Variants in DDX56 observed in about 807,000 individuals in gnomAD.
DDX56 encodes probable ATP-dependent RNA helicase DDX56.
Under a neutral mutation model 61.5 loss-of-function variants are expected in DDX56, and 45 were observed. The observed-to-expected ratio is 0.73, with a 90% CI of 0.58 to 0.94. The LOEUF is 0.94. Among genes scored for constraint, DDX56 ranks in the 40% least tolerant of loss-of-function variants. The pLI, the probability that DDX56 is intolerant of heterozygous loss-of-function variation, is 0.00. For synonymous variants in DDX56, 273 were observed against 268.3 expected (o/e 1.02, Z -0.17); for missense variants, 708 against 690.7 (o/e 1.02, Z -0.28).
At chr7:44,568,832 C>T (rs1003300421) in intron 11 of DDX56, 71 bp downstream of exon 11, 51 of 1,308,990 alleles carry the variant, frequency 3.9e-5, no homozygotes, top group South Asian at 2.5e-4. Context: ...TCTCACCACT[C>T]GGAGCTCAGC....
chr7:44,569,526 C>T (rs1281652662), intron 9 of DDX56, among the ~76,000 whole-genome samples: 2 of 152,164 alleles, frequency 1.3e-5, no homozygotes, highest in African/African-American at 4.8e-5. Context: ...CAGTCCAGGA[C>T]CACCCAGCAC....
At chr7:44,567,755 GCTCT>G (rs966546665) in intron 12 of DDX56, 2 of 334,576 alleles carry the variant, frequency 6.0e-6, no homozygotes, top group Admixed American at 9.0e-5. Context: ...AGCACAGGTG[GCTCT>G]CTCTGCCTCC....
At chr7:44,568,733 A>C (rs761908548) in intron 11 of DDX56, among the ~76,000 whole-genome samples, 170 bp downstream of exon 11, 3 of 151,788 alleles carry the variant, frequency 2.0e-5, no homozygotes, top group Non-Finnish European at 2.9e-5. Context: ...ATTTACCACC[A>C]AGCAGAACAG....
In DDX56 at chr7:44,572,754, G is replaced by C. The variant is rs774548468; in HGVS notation, c.384-10C>G. The C allele has an allele frequency of 6.2e-7, 1 of 1,613,902 alleles. No individual in the cohort carries two copies. Among genetic ancestry groups the C allele is most frequent in the Non-Finnish European group, 8.5e-7 (1 of 1,179,926 alleles). On this transcript the variant is annotated splice_polypyrimidine_tract_variant and intron_variant, in intron 3 of 13. Coordinates refer to ENST00000258772, the MANE Select transcript of DDX56 (RefSeq NM_019082.4). ...CTCCATCAGCACAGCTCTGGAGGTGGACAAGACATCAGTATCAGGCAGAAT... is the reference window on the plus strand; with the variant it reads ...CTCCATCAGCACAGCTCTGGAGGTGCACAAGACATCAGTATCAGGCAGAAT...
intron 6 of DDX56, among the ~76,000 whole-genome samples, 154 bp downstream of exon 6, chr7:44,571,338 G>A (rs771047244): frequency 5.9e-5 from 9 of 152,194 alleles, no homozygotes; most frequent in East Asian, 3.8e-4. Context: ...CATGGTGCCC[G>A]GCCATGATAG....
At chr7:44,566,858 C>T (rs548502772) in intron 12 of DDX56, among the ~76,000 whole-genome samples, 2 of 152,088 alleles carry the variant, frequency 1.3e-5, no homozygotes, top group African/African-American at 4.8e-5. Context: ...CAGGGGGCCC[C>T]GCATCCCAGC....
At chr7:44,568,309 A>C in intron 11 of DDX56, 86 bp from the exon 12 acceptor site, 3 of 963,838 alleles carry the variant, frequency 3.1e-6, no homozygotes, top group South Asian at 1.7e-5. Context: ...TAACACACTC[A>C]TGTGTTTCAA....
rs1035047608 is a variant in DDX56, at chr7:44,566,536, G to A, written c.1490-12C>T. ...GAGAGCAGGAGGAACTGGAAGAGAT[G>A]CTTGCCTGAGCAGTGGGCTCACCGC... On this transcript the variant is annotated splice_polypyrimidine_tract_variant and intron_variant, in intron 12 of 13. Coordinates refer to ENST00000258772, the MANE Select transcript of DDX56 (RefSeq NM_019082.4). 3.9e-6 allele frequency: 6 copies of A among 1,542,510 alleles called. No homozygotes were observed. In the African/African-American group the frequency reaches 6.9e-5, roughly 18 times the overall value.
At position 44,573,667 on chromosome 7, in the gene DDX56, G is replaced by A. The variant is rs561499363; in HGVS notation, c.138C>T (p.Asp46=). The A allele has an allele frequency of 5.0e-6, 8 of 1,613,686 alleles. No individual in the cohort carries two copies. Among genetic ancestry groups the A allele is most frequent in the Non-Finnish European group, 6.8e-6 (8 of 1,180,050 alleles). The change falls in exon 2 of 14, where the codon GAC becomes GAT. Residue 46 remains aspartate (D), a synonymous_variant. Coordinates refer to ENST00000258772, the MANE Select transcript of DDX56 (RefSeq NM_019082.4). ...KAIPLALEGK[D]LLARARTGSG... ...AGCCCGTGCGGGCCCGAGCCAGGAG[G>A]TCCTTCCCTTCTAGGGCCAGTGGGA... is the stretch of plus-strand genomic sequence containing the variant.
At chr7:44,569,079 C>T in intron 10 of DDX56, 51 bp downstream of exon 10, 1 of 1,612,492 alleles carries the variant, frequency 6.2e-7, no homozygotes, top group Non-Finnish European at 8.5e-7. Context: ...GGTGCAATCC[C>T]TGGGCCACAG....
At chr7:44,567,478 G>A (rs936703484) in intron 12 of DDX56, among the ~76,000 whole-genome samples, 3 of 152,198 alleles carry the variant, frequency 2.0e-5, no homozygotes, top group Non-Finnish European at 4.4e-5. Context: ...GACACTGAAA[G>A]AAGTCATTAC....
At chr7:44,572,494 T>C (rs1356457315) in intron 4 of DDX56, 57 bp from the exon 5 acceptor site, 58 of 1,613,106 alleles carry the variant, frequency 3.6e-5, no homozygotes, top group Middle Eastern at 3.3e-4. Context: ...TTGTAGTAAC[T>C]GGCTTCCAGC....
At position 44,573,628 on chromosome 7, in the gene DDX56, G is replaced by A. The variant is rs1407847714; in HGVS notation, c.177C>T (p.Ala59=). 2.5e-6 allele frequency: 4 copies of A among 1,613,876 alleles called. No homozygotes were observed. Among genetic ancestry groups the A allele is most frequent in the Non-Finnish European group, 8.5e-7 (1 of 1,180,032 alleles). The change falls in exon 2 of 14, where the codon GCC becomes GCT. Residue 59 remains alanine (A), a synonymous_variant. Coordinates refer to ENST00000258772, the MANE Select transcript of DDX56 (RefSeq NM_019082.4). The part of the protein sequence containing the change: ...ARARTGSGKT[A]AYAIPMLQLL... ...GCTGCAGCATCGGAATAGCATAAGC[G>A]GCCGTCTTCCCGGAGCCCGTGCGGG...
intron 13 of DDX56, 98 bp from the exon 14 acceptor site, chr7:44,566,177 C>A: frequency 1.3e-6 from 1 of 748,998 alleles, no homozygotes. Flanking sequence ...GGGAGCCGTG[C>A]CGGCAACTGG....
chr7:44,572,139 A>G (rs1032639904), intron 5 of DDX56, among the ~76,000 whole-genome samples: 3 of 152,222 alleles, frequency 2.0e-5, no homozygotes, highest in Non-Finnish European at 4.4e-5. Context: ...TAGGCAAAGC[A>G]TGGCCTGAAA....
chr7:44,571,609 C>A lies in DDX56; in HGVS notation c.773G>T (p.Arg258Leu), dbSNP rs145895899. 1.2e-5 allele frequency: 20 copies of A among 1,614,004 alleles called. No homozygotes were observed. The African/African-American group carries it at 2.0e-4, about 16-fold the overall frequency. The change falls in exon 6 of 14, where the codon CGG becomes CTG. Residue 258 changes from arginine (R) to leucine (L), a missense_variant. By Grantham distance (102) the Arg-to-Leu change is moderately radical (BLOSUM62 -2). Coordinates refer to ENST00000258772, the MANE Select transcript of DDX56 (RefSeq NM_019082.4). The part of the protein sequence containing the change: ...LYALLKLSLI[R>L]GKSLLFVNTL... ...GTTGACAAAGAGCAGAGACTTGCCC[C>A]GAATCAATGACAGCTTGAGCAGGGC...
intron 5 of DDX56, 101 bp downstream of exon 5, chr7:44,572,246 C>A (rs1802694190): frequency 2.1e-6 from 2 of 968,134 alleles, no homozygotes; most frequent in African/African-American, 3.2e-5. Context: ...TAAGTGACAA[C>A]TGTCCCACCC....
chr7:44,567,978 A>G (rs1322253387), intron 12 of DDX56, 140 bp downstream of exon 12: 1 of 705,194 alleles, frequency 1.4e-6, no homozygotes, highest in Non-Finnish European at 2.5e-6. Flanking sequence ...GCCTGTTTAC[A>G]TGCCCGCGTG....
In DDX56 at chr7:44,573,890, C is replaced by T. The variant is rs1231518608; in HGVS notation, c.6G>A (p.Glu2=). 1.2e-6 allele frequency: 2 copies of T among 1,613,038 alleles called. No individual in the cohort carries two copies. Among genetic ancestry groups the T allele is most frequent in the African/African-American group, 1.3e-5 (1 of 74,948 alleles). M[E]DSEALGFEHM... ...GTTCGAAGCCCAGTGCTTCAGAGTC[C>T]TCCATGGCGCTGCTCAGTAGCGCAG... The change falls in exon 1 of 14, where the codon GAG becomes GAA. Residue 2 remains glutamate (E), a synonymous_variant. Coordinates refer to ENST00000258772, the MANE Select transcript of DDX56 (RefSeq NM_019082.4).
Sources: allele counts gnomAD v4.1 joint callset (sites outside exome capture counted in the v4.1 genomes callset), GRCh38; gene constraint gnomAD v4.1.1; transcripts MANE v1.5; gene names NCBI Gene and HGNC (gene_info 2026-07-23, HGNC 2026-07-21).